Variants in SLC28A1 observed in about 807,000 individuals in gnomAD.
SLC28A1 encodes sodium/nucleoside cotransporter 1.
SLC28A1 carries 64 observed loss-of-function variants against 74.8 expected under a neutral mutation model. That is an observed-to-expected ratio of 0.86 (90% CI 0.70 to 1.05). The LOEUF (loss-of-function observed/expected upper bound fraction) is 1.05, where lower values mean the gene tolerates loss of function less well. Among genes scored for constraint, SLC28A1 ranks in the 50% least tolerant of loss-of-function variants. The pLI is 0.00. For synonymous variants in SLC28A1, 359 were observed against 335.0 expected (o/e 1.07, Z -0.78); for missense variants, 828 against 822.8 (o/e 1.01, Z -0.08).
At chr15:84,959,537 C>G in the SLC28A1 span, among the ~76,000 whole-genome samples, 1 of 151,294 alleles carries the variant, frequency 6.6e-6, no homozygotes, top group Non-Finnish European at 1.5e-5. Flanking sequence ...CCTCTCTTCT[C>G]TTATTGTTCT....
chr15:84,914,415 C>CA (rs1968787932), intron 9 of SLC28A1, among the ~76,000 whole-genome samples: 1 of 152,188 alleles, frequency 6.6e-6, no homozygotes, highest in African/African-American at 2.4e-5. Flanking sequence ...CCCCTGAAGG[C>CA]AGAGAAACAA....
intron 5 of SLC28A1, among the ~76,000 whole-genome samples, chr15:84,892,985 A>G (rs1319142847): frequency 2.6e-5 from 4 of 152,088 alleles, no homozygotes; most frequent in Non-Finnish European, 5.9e-5. Context: ...AAATACTTCC[A>G]AAAGCACTTC....
At position 84,896,083 on chromosome 15, in the gene SLC28A1, G is replaced by A. The variant is rs533712560; in HGVS notation, c.461+960G>A. 11 of 438,796 alleles carry A rather than the reference G, an allele frequency of 2.5e-5. No individual in the cohort carries two copies. The East Asian group carries it at 9.4e-4, about 37-fold the overall frequency. The allele number at this position is 438,796 out of a possible 1,614,324, so 27.2% of individuals were successfully genotyped here. A position where few individuals can be genotyped will look rare whatever the true frequency, so the allele number is the denominator to read the frequency against. ...GACAAGTCATTGATAATGGTTTTCC[G>A]CTTGAGGGACTGATAGGAAGTTTCC... On this transcript the variant is annotated intron_variant, in intron 6 of 18. Transcript: ENST00000394573.
rs111985935 is a variant in SLC28A1, at chr15:84,945,125, C to T, written c.1875C>T (p.Ser625=). 2.0e-5 allele frequency: 32 copies of T among 1,613,954 alleles called. No individual in the cohort carries two copies. The highest frequency in any genetic ancestry group is 1.3e-4 in the African/African-American group (10 of 75,014). Residue 625 remains serine, a splice_region_variant and synonymous_variant, in exon 19 of 19, where the codon AGC becomes AGT. Coordinates refer to ENST00000394573, the MANE Select transcript of SLC28A1 (RefSeq NM_004213.5). ...IYQCCREAFQ[S]VNPEFSPEAL... is the part of the protein sequence containing the mutation. ...ACTGCGATCTTTGCTTTCTTTTTAGCGTCAATCCAGAGTTCAGCCCAGAGG... is the reference window on the plus strand; with the variant it reads ...ACTGCGATCTTTGCTTTCTTTTTAGTGTCAATCCAGAGTTCAGCCCAGAGG...
intron 11 of SLC28A1, 75 bp from the exon 12 acceptor site, chr15:84,923,910 C>A: frequency 1.2e-6 from 2 of 1,603,780 alleles, no homozygotes; most frequent in Non-Finnish European, 1.7e-6. Flanking sequence ...CCCAGCTGCT[C>A]ACTGTGACCT....
intron 6 of SLC28A1, 137 bp downstream of exon 6, chr15:84,895,260 G>A: frequency 6.3e-7 from 1 of 1,575,370 alleles, no homozygotes; most frequent in Non-Finnish European, 8.7e-7. Flanking sequence ...CAGGGCAGGA[G>A]CCAGTGGGTG....
At chr15:84,917,984 T>C (rs1969349924) in intron 9 of SLC28A1, among the ~76,000 whole-genome samples, 1 of 151,984 alleles carries the variant, frequency 6.6e-6, no homozygotes, top group East Asian at 1.9e-4. Context: ...TGGGAGGAGA[T>C]GCTGGCTCAG....
At chr15:84,971,485 A>G in the SLC28A1 span, among the ~76,000 whole-genome samples, 2 of 151,758 alleles carry the variant, frequency 1.3e-5, no homozygotes, top group Admixed American at 6.6e-5. Context: ...CATCTCTTTT[A>G]CTCCCTCTCT....
At chr15:84,892,722 G>A (rs1288054811) in intron 5 of SLC28A1, among the ~76,000 whole-genome samples, 1 of 152,200 alleles carries the variant, frequency 6.6e-6, no homozygotes, top group East Asian at 1.9e-4. Flanking sequence ...AGAGAAATGA[G>A]GCTCATATTC....
At chr15:84,919,982 C>T (rs1244973564) in intron 10 of SLC28A1, among the ~76,000 whole-genome samples, 1 of 152,090 alleles carries the variant, frequency 6.6e-6, no homozygotes, top group African/African-American at 2.4e-5. Context: ...GAAACCATGC[C>T]CTCCACAAAA....
At chr15:84,946,086 A>G (rs1227974974), downstream of SLC28A1, among the ~76,000 whole-genome samples, 389 of 7,336 alleles carry the variant, frequency 0.053, 9 homozygotes, top group East Asian at 0.17. Flanking sequence ...GTGTATGTTC[A>G]TATATATATA....
chr15:84,928,594 C>T (rs1311778485), intron 12 of SLC28A1, among the ~76,000 whole-genome samples: 1 of 16,574 alleles, frequency 6.0e-5, no homozygotes, highest in African/African-American at 4.9e-4. Flanking sequence ...TTCTTTCTTT[C>T]TTTCTTTCTT....
chr15:84,936,484 T>C (rs1971955760), intron 15 of SLC28A1, among the ~76,000 whole-genome samples: 1 of 151,860 alleles, frequency 6.6e-6, no homozygotes, highest in Admixed American at 6.6e-5. Flanking sequence ...CTTGAAATCC[T>C]GACCTCAAAT....
the SLC28A1 span, among the ~76,000 whole-genome samples, chr15:84,960,542 T>A: frequency 6.6e-6 from 1 of 152,086 alleles, no homozygotes. Flanking sequence ...ACAGGCATGA[T>A]CCACTGTGCC....
chr15:84,949,755 C>G (rs570674068), downstream of SLC28A1, among the ~76,000 whole-genome samples: 1 of 151,926 alleles, frequency 6.6e-6, no homozygotes, highest in East Asian at 1.9e-4. Flanking sequence ...CAGAAATCCT[C>G]AAATCCGAGG....
At chr15:84,974,155 A>T in the SLC28A1 span, among the ~76,000 whole-genome samples, 2 of 152,222 alleles carry the variant, frequency 1.3e-5, no homozygotes, top group African/African-American at 4.8e-5. Flanking sequence ...GCTGACATTT[A>T]AAAAGCCTCA....
intron 5 of SLC28A1, among the ~76,000 whole-genome samples, chr15:84,894,027 A>G (rs1965662075): frequency 1.3e-5 from 2 of 152,078 alleles, no homozygotes; most frequent in Admixed American, 1.3e-4. Context: ...TTTTTTATCC[A>G]TGGCTATGAG....
chr15:84,914,472 G>A (rs953653160), intron 9 of SLC28A1, among the ~76,000 whole-genome samples: 2 of 152,226 alleles, frequency 1.3e-5, no homozygotes, highest in African/African-American at 4.8e-5. Flanking sequence ...GGCATGGCAG[G>A]ACCTTGGCAA....
intron 5 of SLC28A1, among the ~76,000 whole-genome samples, chr15:84,894,372 C>CAAAA (rs11408601): frequency 6.3e-4 from 84 of 134,314 alleles, no homozygotes; most frequent in African/African-American, 2.3e-3. Flanking sequence ...ACCCTATCTC[C>CAAAA]AAAAAAAAAA....
Sources: gnomAD v4.1 joint callset for allele counts (sites outside exome capture counted in the v4.1 genomes callset) on GRCh38, gnomAD v4.1.1 for gene constraint, MANE v1.5 for transcripts, NCBI Gene and HGNC (gene_info 2026-07-23, HGNC 2026-07-21) for gene names.